BRD3: variants seen among roughly 807,000 people sequenced by gnomAD.
The protein encoded by BRD3 is bromodomain-containing protein 3.
Under a neutral mutation model 66.8 loss-of-function variants are expected in BRD3, and 17 were observed. That is an observed-to-expected ratio of 0.25 (90% CI 0.17 to 0.38). The LOEUF (loss-of-function observed/expected upper bound fraction) is 0.38, where lower values mean the gene tolerates loss of function less well. Ranked by LOEUF, BRD3 falls within the 10% of genes least tolerant of loss-of-function variation. BRD3 has a pLI of 1.00. For missense variants in BRD3, 713 were observed against 956.1 expected, an observed-to-expected ratio of 0.75 and a Z score of 3.35; for synonymous variants, 421 against 393.2, an observed-to-expected ratio of 1.07 and a Z score of -0.84.
At chr9:134,038,303 C>T (rs1003673395) in intron 9 of BRD3, among the ~76,000 whole-genome samples, 9 of 152,100 alleles carry the variant, frequency 5.9e-5, no homozygotes, top group Non-Finnish European at 8.8e-5. Flanking sequence ...TACAGGCGCC[C>T]GTCACCAAGC....
intron 8 of BRD3, 24 bp from the exon 9 acceptor site, chr9:134,040,293 C>T (rs1453185224): frequency 1.3e-6 from 2 of 1,580,506 alleles, no homozygotes; most frequent in African/African-American, 2.7e-5. Context: ...GGCGGCTGAG[C>T]AGGTGCTGGG....
intron 5 of BRD3, 138 bp downstream of exon 5, chr9:134,050,236 C>A (rs926167083): frequency 2.6e-6 from 2 of 763,552 alleles, no homozygotes; most frequent in Non-Finnish European, 4.2e-6. Context: ...GGCCTGAGCT[C>A]CCAGGGCGCA....
At chr9:134,035,276 G>A (rs1044766042) in intron 10 of BRD3, among the ~76,000 whole-genome samples, 31 of 152,114 alleles carry the variant, frequency 2.0e-4, no homozygotes, top group African/African-American at 6.8e-4. Flanking sequence ...AAGTTGACCC[G>A]GTGACTTACC....
chr9:134,038,559 G>A (rs895284005), intron 9 of BRD3, among the ~76,000 whole-genome samples: 3 of 152,072 alleles, frequency 2.0e-5, no homozygotes, highest in Non-Finnish European at 2.9e-5. Flanking sequence ...CAAAGTGCTG[G>A]GGTTACAGGT....
At chr9:134,042,424 A>G (rs999023446) in intron 7 of BRD3, among the ~76,000 whole-genome samples, 2 of 150,226 alleles carry the variant, frequency 1.3e-5, no homozygotes, top group Non-Finnish European at 2.9e-5. Flanking sequence ...GTGAACTCCA[A>G]AAGTTGGCTT....
Position 134,033,492 on chromosome 9 carries a change from C to A in BRD3, c.*98G>T. On this transcript the variant is annotated 3_prime_UTR_variant, in exon 12 of 12. Coordinates refer to ENST00000303407, the MANE Select transcript of BRD3 (RefSeq NM_007371.4). This position sits in a 1 kb window ranked among gnomAD's most constrained non-coding sequence, Gnocchi z 5.1. ...AACACTGAATTAAGAAGCAGACCTG[C>A]ACACCATGGAACAGAAGTAGTAATA... The A allele has an allele frequency of 1.6e-6, 1 of 632,552 alleles. No individual in the cohort carries two copies. Among genetic ancestry groups the A allele is most frequent in the Admixed American group, 2.5e-5 (1 of 40,700 alleles). The allele number at this position is 632,552 out of a possible 1,614,324, so 39.2% of individuals were successfully genotyped here. A position where few individuals can be genotyped will look rare whatever the true frequency, so the allele number is the denominator to read the frequency against.
chr9:134,066,673 C>CG (rs1357720157), intron 1 of BRD3, among the ~76,000 whole-genome samples: 2 of 152,136 alleles, frequency 1.3e-5, no homozygotes, highest in African/African-American at 2.4e-5. Flanking sequence ...CAGGGTAGGG[C>CG]GGGGGAGGAC....
chr9:134,044,359 G>A (rs1252999238), intron 7 of BRD3, among the ~76,000 whole-genome samples: 3 of 152,186 alleles, frequency 2.0e-5, no homozygotes, highest in Admixed American at 1.3e-4. Flanking sequence ...CCCCTTTTAT[G>A]GGTCCTGTGT....
intron 9 of BRD3, among the ~76,000 whole-genome samples, chr9:134,039,003 C>T (rs963939582): frequency 2.0e-5 from 3 of 152,232 alleles, no homozygotes; most frequent in South Asian, 2.1e-4. Flanking sequence ...CCATTCCACT[C>T]GCTGTCTTCA....
At chr9:134,041,658 C>T (rs1403332071) in intron 8 of BRD3, 102 bp downstream of exon 8, 4 of 1,319,666 alleles carry the variant, frequency 3.0e-6, no homozygotes, top group Admixed American at 2.3e-5. Context: ...TGCTGAGGGA[C>T]AGGGGCAGAG....
rs1181375264 is a variant in BRD3 at position 134,033,689 on chromosome 9, T to G, written c.2082A>C (p.Ala694=). The G allele has an allele frequency of 1.3e-6, 1 of 752,356 alleles. No individual in the cohort carries two copies. Among genetic ancestry groups the G allele is most frequent in the Non-Finnish European group, 2.5e-6 (1 of 406,210 alleles). The allele number at this position is 752,356 out of a possible 1,614,324, so 46.6% of individuals were successfully genotyped here. ...KPARKEKPGS[A]PSGGPSRLSS... ...TGAGCCTGGACGGGCCCCCTGAGGGTGCTGAGCCGGGCTTCTCTGTGGAGA... is the reference window on the plus strand; with the variant it reads ...TGAGCCTGGACGGGCCCCCTGAGGGGGCTGAGCCGGGCTTCTCTGTGGAGA... The change falls in exon 12 of 12, where the codon GCA becomes GCC. Residue 694 remains alanine, a synonymous_variant. Coordinates refer to ENST00000303407, the MANE Select transcript of BRD3 (RefSeq NM_007371.4). This position sits in a 1 kb window ranked among gnomAD's most constrained non-coding sequence, Gnocchi z 5.1.
chr9:134,052,733 G>A (rs1830331306), intron 2 of BRD3, among the ~76,000 whole-genome samples: 1 of 152,198 alleles, frequency 6.6e-6, no homozygotes, highest in African/African-American at 2.4e-5. Context: ...ACCTTCCAGG[G>A]ACCAAACCTG....
rs1435401040 is a variant in BRD3 at position 134,031,326 on chromosome 9, G to GGA, written c.*2262_*2263dup. 1 of 208,970 alleles carries GGA rather than the reference G, an allele frequency of 4.8e-6. No homozygotes were observed. Among genetic ancestry groups the GGA allele is most frequent in the Non-Finnish European group, 9.7e-6 (1 of 102,704 alleles). The allele number at this position is 208,970 out of a possible 1,614,324, so 12.9% of individuals were successfully genotyped here. A position where few individuals can be genotyped will look rare whatever the true frequency, so the allele number is the denominator to read the frequency against. On this transcript the variant is annotated 3_prime_UTR_variant, in exon 12 of 12. Transcript: ENST00000303407. ...CCCTGTGGCTGGAGGGGCATTGCAA[G>GGA]GAGCGCCCCCCAGCCCCAGGCACCC...
rs370315362 is a variant in BRD3 at position 134,051,620 on chromosome 9, T to A, written c.441A>T (p.Leu147Phe). ...CTTTGCCCTTTGGAGCAGGGGGTAA[T>A]AATTCAACTTCCTCTTGGGGCATCT... is the stretch of plus-strand genomic sequence containing the variant. ...VAQMPQEEVE[L>F]LPPAPKGKGR... Residue 147 changes from leucine (L) to phenylalanine (F), a missense_variant, in exon 4 of 12, where the codon TTA (leucine) becomes TTT (phenylalanine). Leu to Phe is a conservative substitution (Grantham distance 22). This residue lies in a region of BRD3 where 85 missense variants were observed against 152.4 expected (regional missense o/e 0.56). Transcript: ENST00000303407. 1 of 1,586,470 alleles carries A rather than the reference T, an allele frequency of 6.3e-7. No homozygotes were observed. The highest frequency in any genetic ancestry group is 8.5e-7 in the Non-Finnish European group (1 of 1,171,136).
Position 134,032,480 on chromosome 9 carries a change from A to G in BRD3, c.*1110T>C, listed in dbSNP as rs1411495008. ...AAAAAACCACAAAGAAAAAAACCAA[A>G]AAACCCAACAAACCCAGGGGCGAGC... On this transcript the variant is annotated 3_prime_UTR_variant, in exon 12 of 12. Transcript: ENST00000303407. The G allele has an allele frequency of 4.4e-6, 1 of 229,214 alleles. No individual in the cohort carries two copies. Among genetic ancestry groups the G allele is most frequent in the Admixed American group, 5.7e-5 (1 of 17,652 alleles). 14.2% of individuals were successfully genotyped at this position (229,214 alleles called of 1,614,324 possible). A position where few individuals can be genotyped will look rare whatever the true frequency, so the allele number is the denominator to read the frequency against.
At chr9:134,063,582 G>A (rs1588304489) in intron 1 of BRD3, among the ~76,000 whole-genome samples, 1 of 152,214 alleles carries the variant, frequency 6.6e-6, no homozygotes, top group East Asian at 1.9e-4. Context: ...CACTCCTGCA[G>A]GGGCCGGGCA....
In BRD3 at chr9:134,053,233, A is replaced by T; in HGVS notation, c.213+32T>A. The T allele has an allele frequency of 3.1e-6, 5 of 1,610,504 alleles. No homozygotes were observed. The South Asian group carries it at 5.5e-5, about 18-fold the overall frequency. ...GGGGACAGAGGACGGCAGCAGCAGAACGTGGCTCTTGGGGAGGCAGCAGCT... is the reference window on the plus strand; with the variant it reads ...GGGGACAGAGGACGGCAGCAGCAGATCGTGGCTCTTGGGGAGGCAGCAGCT... On this transcript the variant is annotated intron_variant, in intron 2 of 11. Coordinates refer to ENST00000303407, the MANE Select transcript of BRD3 (RefSeq NM_007371.4).
At chr9:134,041,707 G>T (rs2319419) in intron 8 of BRD3, 53 bp downstream of exon 8, 6 of 1,575,542 alleles carry the variant, frequency 3.8e-6, no homozygotes, top group Admixed American at 3.5e-5. Flanking sequence ...GGGCTGCTGT[G>T]CCAGCAATCC....
rs1843502606 is a variant in BRD3, at chr9:134,030,919, C to G, written c.*2671G>C. On this transcript the variant is annotated 3_prime_UTR_variant, in exon 12 of 12. Transcript: ENST00000303407. ...CCCCTTGAAAAAAGCATGTTAGAAG[C>G]TGCCCTACAGGTCTCAGCAGTGGGA... The G allele has an allele frequency of 8.6e-6, 2 of 231,550 alleles. No individual in the cohort carries two copies. Among genetic ancestry groups the G allele is most frequent in the Non-Finnish European group, 1.7e-5 (2 of 117,064 alleles). 14.3% of individuals were successfully genotyped at this position (231,550 alleles called of 1,614,324 possible). A position where few individuals can be genotyped will look rare whatever the true frequency, so the allele number is the denominator to read the frequency against.
Sources: gnomAD v4.1 joint callset for allele counts (sites outside exome capture counted in the v4.1 genomes callset) on GRCh38, gnomAD v4.1.1 for gene constraint, gnomAD v4.1.1 regional missense constraint, Gnocchi (gnomAD v3.1) non-coding constraint, MANE v1.5 for transcripts, NCBI Gene and HGNC (gene_info 2026-07-23, HGNC 2026-07-21) for gene names.